ATPSCKMT: variants seen among roughly 807,000 people sequenced by gnomAD.
The protein encoded by ATPSCKMT is ATP synthase subunit C lysine N-methyltransferase.
Under a neutral mutation model 24.3 loss-of-function variants are expected in ATPSCKMT, and 24 were observed. The observed-to-expected ratio is 0.99, with a 90% CI of 0.71 to 1.39. The LOEUF (loss-of-function observed/expected upper bound fraction) is 1.39, where lower values mean the gene tolerates loss of function less well. Among genes scored for constraint, ATPSCKMT ranks in the 40% most tolerant of loss-of-function variants. The pLI is 0.00. For synonymous variants in ATPSCKMT, 95 were observed against 110.5 expected (o/e 0.86, Z 0.88); for missense variants, 311 against 298.4 (o/e 1.04, Z -0.31).
At chr5:10,244,678 G>T (rs566033824) in intron 1 of ATPSCKMT, among the ~76,000 whole-genome samples, 21 of 152,086 alleles carry the variant, frequency 1.4e-4, no homozygotes, top group African/African-American at 4.6e-4. Context: ...TTGGAAGGCC[G>T]AGGCAGGAGG....
At chr5:10,245,115 A>G (rs944544508) in intron 1 of ATPSCKMT, among the ~76,000 whole-genome samples, 1 of 152,090 alleles carries the variant, frequency 6.6e-6, no homozygotes, top group Non-Finnish European at 1.5e-5. Flanking sequence ...AAAATTTGGA[A>G]ATAATTTGTT....
At chr5:10,232,501 C>G (rs988922575) in intron 4 of ATPSCKMT, among the ~76,000 whole-genome samples, 9 of 152,216 alleles carry the variant, frequency 5.9e-5, no homozygotes, top group African/African-American at 2.2e-4. Flanking sequence ...CATCTAAGGA[C>G]AGGGCAACAA....
At chr5:10,240,161 G>A (rs933743035) in intron 1 of ATPSCKMT, among the ~76,000 whole-genome samples, 4 of 151,648 alleles carry the variant, frequency 2.6e-5, no homozygotes, top group African/African-American at 4.8e-5. Flanking sequence ...ATGAACCCGG[G>A]AGGTGGAGCT....
intron 2 of ATPSCKMT, chr5:10,236,975 G>A: frequency 7.6e-7 from 1 of 1,315,162 alleles, no homozygotes. Context: ...TAGCACAGCA[G>A]CAGTGAAATG....
intron 3 of ATPSCKMT, 58 bp downstream of exon 3, chr5:10,236,420 T>C (rs1744371191): frequency 6.4e-7 from 1 of 1,569,868 alleles, no homozygotes; most frequent in African/African-American, 1.4e-5. Context: ...GTCATACTAA[T>C]TTTGAATAAT....
At chr5:10,243,170 T>A (rs544950091) in intron 1 of ATPSCKMT, among the ~76,000 whole-genome samples, 1 of 152,230 alleles carries the variant, frequency 6.6e-6, no homozygotes, top group African/African-American at 2.4e-5. Context: ...TAGCTTCCAA[T>A]AGAAGGTTGT....
chr5:10,235,206 C>A lies in ATPSCKMT; in HGVS notation c.495+5G>T, dbSNP rs1354069455. ...CAAACAGAGAGCAGGAAAGTGCATA[C>A]TCACCATCTGAGGCACACCGAAAAT... On this transcript the variant is annotated splice_donor_5th_base_variant and intron_variant, in intron 4 of 4. Coordinates refer to ENST00000511437, the MANE Select transcript of ATPSCKMT (RefSeq NM_199133.4). The A allele has an allele frequency of 6.2e-7, 1 of 1,613,646 alleles. No individual in the cohort carries two copies. The highest frequency in any genetic ancestry group is 2.2e-5 in the East Asian group (1 of 44,864).
chr5:10,232,935 G>A (rs1277136648), intron 4 of ATPSCKMT, among the ~76,000 whole-genome samples: 1 of 152,260 alleles, frequency 6.6e-6, no homozygotes, highest in African/African-American at 2.4e-5. Context: ...AAACATGGAT[G>A]TTCACAACCC....
At chr5:10,245,652 T>G (rs1454219037) in intron 1 of ATPSCKMT, among the ~76,000 whole-genome samples, 1 of 148,582 alleles carries the variant, frequency 6.7e-6, no homozygotes, top group Non-Finnish European at 1.5e-5. Flanking sequence ...GAGGCTGAGG[T>G]GGGAGGATTG....
At chr5:10,227,766 G>C (rs899587820) in intron 4 of ATPSCKMT, 119 bp from the exon 5 acceptor site, 91 of 831,710 alleles carry the variant, frequency 1.1e-4, no homozygotes, top group Non-Finnish European at 1.7e-4. Flanking sequence ...TTGTTAAAAA[G>C]AGCACTCTGG....
rs551078167 is a variant in ATPSCKMT at position 10,225,876 on chromosome 5, C to A, written c.*1565G>T. The stretch of plus-strand genomic sequence containing the variant: ...TTCATGGCAAGGAGCTACCATGGAT[C>A]CCCCTCCGAGTGTGCCCAGACCAGT... On this transcript the variant is annotated 3_prime_UTR_variant, in exon 5 of 5. Coordinates refer to ENST00000511437, the MANE Select transcript of ATPSCKMT (RefSeq NM_199133.4). 1.6e-4 allele frequency among the ~76,000 whole-genome samples: 25 copies of A among 152,152 alleles called. No homozygotes were observed. The highest frequency in any genetic ancestry group is 3.5e-4 in the Non-Finnish European group (24 of 68,026).
rs138486117 is a variant in ATPSCKMT at position 10,239,076 on chromosome 5, G to A, written c.297C>T (p.Asp99=). ...TTTTAGCAGAACTCACAATGCGTCC[G>A]TCCCCACTACCGATGTCCACAAGGG... ...RGSLVDIGSG[D]GRIVIAAAKK... The change falls in exon 2 of 5, where the codon GAC becomes GAT. Residue 99 remains aspartate, a synonymous_variant. Transcript: ENST00000511437. The A allele has an allele frequency of 4.9e-4, 794 of 1,613,444 alleles. 5 individuals are homozygous for A. In the African/African-American group the frequency reaches 8.5e-3, roughly 17 times the overall value.
chr5:10,241,803 T>G (rs535753505), intron 1 of ATPSCKMT, among the ~76,000 whole-genome samples: 2 of 152,212 alleles, frequency 1.3e-5, no homozygotes. Context: ...ATAAAGCAAG[T>G]TACACAAATA....
At chr5:10,238,748 C>G (rs1375951938) in intron 2 of ATPSCKMT, among the ~76,000 whole-genome samples, 2 of 152,140 alleles carry the variant, frequency 1.3e-5, no homozygotes, top group Non-Finnish European at 2.9e-5. Flanking sequence ...AGTGAAATGC[C>G]ATGATTTAAC....
chr5:10,231,032 C>T (rs2126424334), intron 4 of ATPSCKMT, among the ~76,000 whole-genome samples: 1 of 152,268 alleles, frequency 6.6e-6, no homozygotes, highest in Admixed American at 6.5e-5. Flanking sequence ...TCATGTACAC[C>T]CAAACTTCAC....
chr5:10,237,891 C>T (rs959661666), intron 2 of ATPSCKMT, among the ~76,000 whole-genome samples: 3 of 152,186 alleles, frequency 2.0e-5, no homozygotes, highest in Non-Finnish European at 2.9e-5. Flanking sequence ...GGATTACACG[C>T]GTGCACCATC....
intron 4 of ATPSCKMT, among the ~76,000 whole-genome samples, chr5:10,230,005 C>T (rs1744049421): frequency 6.6e-6 from 1 of 152,190 alleles, no homozygotes; most frequent in African/African-American, 2.4e-5. Context: ...CCTGGTTCCT[C>T]TTAGTGAGAA....
At chr5:10,241,574 C>T (rs544409212) in intron 1 of ATPSCKMT, among the ~76,000 whole-genome samples, 2 of 151,984 alleles carry the variant, frequency 1.3e-5, no homozygotes, top group African/African-American at 2.4e-5. Context: ...ACTGGGTCGG[C>T]GGAGGGGGCG....
chr5:10,228,826 T>C (rs1018276238), intron 4 of ATPSCKMT, among the ~76,000 whole-genome samples: 1 of 152,096 alleles, frequency 6.6e-6, no homozygotes, highest in African/African-American at 2.4e-5. Context: ...GATGGGGTTT[T>C]ACCATGTTGC....
Sources: allele counts gnomAD v4.1 joint callset (sites outside exome capture counted in the v4.1 genomes callset), GRCh38; gene constraint gnomAD v4.1.1; transcripts MANE v1.5; gene names NCBI Gene and HGNC (gene_info 2026-07-23, HGNC 2026-07-21).